NIM1K: variants seen among roughly 807,000 people sequenced by gnomAD.
NIM1K encodes the protein serine/threonine-protein kinase NIM1.
A neutral mutation model predicts 37.1 loss-of-function variants in NIM1K; 35 were observed. That is an observed-to-expected ratio of 0.94 (90% CI 0.72 to 1.25). The LOEUF is 1.25. Among genes scored for constraint, NIM1K ranks in the 50% most tolerant of loss-of-function variants. The pLI, the probability that NIM1K is intolerant of heterozygous loss-of-function variation, is 0.00. For missense variants in NIM1K, 564 were observed against 548.0 expected (o/e 1.03, Z -0.29); for synonymous variants, 234 against 206.6 (o/e 1.13, Z -1.14).
At position 43,245,927 on chromosome 5, in the gene NIM1K, T is replaced by G; in HGVS notation, c.152T>G (p.Leu51Arg). The stretch of plus-strand genomic sequence containing the variant: ...CGCCAGCTGACGCCCTTCGAGAAAC[T>G]GACACAGGACATGTCCCAGGATGAG... ...QPRQLTPFEK[L>R]TQDMSQDEKV... is the part of the protein sequence containing the mutation. Residue 51 changes from leucine to arginine, a missense_variant, in exon 2 of 4, where the codon CTG becomes CGG. By Grantham distance (102) the Leu-to-Arg change is moderately radical. Coordinates refer to ENST00000326035, the MANE Select transcript of NIM1K (RefSeq NM_153361.4). The G allele has an allele frequency of 6.2e-7, 1 of 1,613,958 alleles. No homozygotes were observed. The highest frequency in any genetic ancestry group is 1.6e-4 in the Middle Eastern group (1 of 6,062).
At chr5:43,221,273 G>C (rs1752376545) in intron 1 of NIM1K, among the ~76,000 whole-genome samples, 2 of 151,802 alleles carry the variant, frequency 1.3e-5, no homozygotes. Flanking sequence ...TCAGGAGTTC[G>C]AGACCAGCTT....
At chr5:43,263,325 G>T (rs1284517583) in intron 2 of NIM1K, among the ~76,000 whole-genome samples, 2 of 152,024 alleles carry the variant, frequency 1.3e-5, no homozygotes, top group Non-Finnish European at 2.9e-5. Context: ...ACTTCTTCCT[G>T]GTTTAGTCTT....
rs1491406959 is a variant in NIM1K at position 43,213,278 on chromosome 5, TTG to T, written c.-695+20869_-695+20870del. Among the ~76,000 whole-genome samples, 72 of 136,866 alleles carry T rather than the reference TTG, an allele frequency of 5.3e-4. 9 individuals carry two copies. Among genetic ancestry groups the T allele is most frequent in the African/African-American group, 1.7e-3 (61 of 36,464 alleles). The allele number at this position is 136,866 out of a possible 152,430, so 89.8% of individuals were successfully genotyped here. On this transcript the variant is annotated intron_variant, in intron 1 of 3. Coordinates refer to ENST00000326035, the MANE Select transcript of NIM1K (RefSeq NM_153361.4). ...GTTCTTTCTTGTTTCTTTTTCTTTC[TTG>T]TTTCCTTTCCTTTTCTTTTCTTTTC...
intron 1 of NIM1K, among the ~76,000 whole-genome samples, chr5:43,234,018 T>C (rs938936893): frequency 1.3e-5 from 2 of 152,222 alleles, no homozygotes; most frequent in African/African-American, 4.8e-5. Context: ...CGGGTTTCTA[T>C]TGGGACATGA....
At chr5:43,265,113 A>T (rs982007380) in intron 2 of NIM1K, among the ~76,000 whole-genome samples, 3 of 152,082 alleles carry the variant, frequency 2.0e-5, no homozygotes, top group African/African-American at 7.2e-5. Flanking sequence ...GCTCTTTTCG[A>T]GGAGTATCTT....
At chr5:43,272,781 T>C (rs1425051963) in intron 2 of NIM1K, among the ~76,000 whole-genome samples, 3 of 152,210 alleles carry the variant, frequency 2.0e-5, no homozygotes, top group Non-Finnish European at 2.9e-5. Flanking sequence ...AAGTTTCAGA[T>C]GTCTGGCTTC....
At position 43,245,597 on chromosome 5, in the gene NIM1K, A is replaced by T; in HGVS notation, c.-179A>T. 1.7e-6 allele frequency: 1 copy of T among 576,370 alleles called. No homozygotes were observed. The highest frequency in any genetic ancestry group is 3.0e-6 in the Non-Finnish European group (1 of 334,148). The allele number at this position is 576,370 out of a possible 1,614,324, so 35.7% of individuals were successfully genotyped here. On this transcript the variant is annotated 5_prime_UTR_variant, in exon 2 of 4. Coordinates refer to ENST00000326035, the MANE Select transcript of NIM1K (RefSeq NM_153361.4). The stretch of plus-strand genomic sequence containing the variant: ...CTGGCTGGGCTGGGCAGACTCAGCT[A>T]CCACGTTCACTGCCTTCCTCTCACT...
chr5:43,217,219 T>G (rs1752312671), intron 1 of NIM1K, among the ~76,000 whole-genome samples: 1 of 152,224 alleles, frequency 6.6e-6, no homozygotes, highest in Admixed American at 6.5e-5. Flanking sequence ...AATGGAATCA[T>G]AAAATGTGGT....
At position 43,246,042 on chromosome 5, in the gene NIM1K, G is replaced by T; in HGVS notation, c.267G>T (p.Lys89Asn). Residue 89 changes from lysine (K) to asparagine (N), a missense_variant, in exon 2 of 4, where the codon AAG becomes AAT. By Grantham distance (94) the Lys-to-Asn change is moderately conservative (BLOSUM62 0). Transcript: ENST00000326035. ...EIGSGNFSQVKLGIHSLTKEK... is the reference protein window; with the variant it reads ...EIGSGNFSQVNLGIHSLTKEK... The stretch of plus-strand genomic sequence containing the variant: ...GAAGTGGAAACTTCTCCCAAGTGAA[G>T]CTTGGGATTCACTCCCTAACCAAAG... The T allele has an allele frequency of 6.2e-7, 1 of 1,613,210 alleles. No homozygotes were observed. Among genetic ancestry groups the T allele is most frequent in the East Asian group, 2.2e-5 (1 of 44,866 alleles).
chr5:43,262,287 AG>A (rs1178270594), intron 2 of NIM1K, among the ~76,000 whole-genome samples: 4 of 152,280 alleles, frequency 2.6e-5, no homozygotes, highest in Non-Finnish European at 5.9e-5. Flanking sequence ...TATTTCATTG[AG>A]CAGTGCTTTG....
chr5:43,233,101 C>T, intron 1 of NIM1K: 3 of 1,346,626 alleles, frequency 2.2e-6, no homozygotes, highest in Admixed American at 1.7e-5. Context: ...ATGTTCCAGG[C>T]AGTAGGGCTC....
chr5:43,209,788 T>G (rs1461080367), intron 1 of NIM1K, among the ~76,000 whole-genome samples: 1 of 152,132 alleles, frequency 6.6e-6, no homozygotes, highest in African/African-American at 2.4e-5. Context: ...CTAATTTTTG[T>G]ATTTTTAATA....
intron 1 of NIM1K, among the ~76,000 whole-genome samples, chr5:43,204,399 T>C (rs1752078566): frequency 6.7e-6 from 1 of 149,700 alleles, no homozygotes; most frequent in Non-Finnish European, 1.5e-5. Flanking sequence ...GTTCCAATGG[T>C]TAATTCAAAA....
At chr5:43,237,138 T>C (rs1020950349) in intron 1 of NIM1K, among the ~76,000 whole-genome samples, 8 of 152,212 alleles carry the variant, frequency 5.3e-5, no homozygotes, top group Non-Finnish European at 1.2e-4. Context: ...GCTTTTCTTT[T>C]AAGGAAACCA....
Position 43,207,726 on chromosome 5 carries a change from C to A in NIM1K, c.-695+15315C>A, listed in dbSNP as rs542979873. The A allele has an allele frequency of 4.5e-5, 22 of 483,738 alleles. No homozygotes were observed. The East Asian group carries it at 1.0e-3, about 22-fold the overall frequency. The allele number at this position is 483,738 out of a possible 1,614,324, so 30.0% of individuals were successfully genotyped here. A position where few individuals can be genotyped will look rare whatever the true frequency, so the allele number is the denominator to read the frequency against. On this transcript the variant is annotated intron_variant, in intron 1 of 3. Coordinates refer to ENST00000326035, the MANE Select transcript of NIM1K (RefSeq NM_153361.4). ...AGTTGCTCTATGAAGAATTGTTCTG[C>A]GGAATTCTCAAAGGAGATCGTCTGT...
At chr5:43,235,362 T>A (rs557297071) in intron 1 of NIM1K, among the ~76,000 whole-genome samples, 1 of 152,340 alleles carries the variant, frequency 6.6e-6, no homozygotes, top group South Asian at 2.1e-4. Flanking sequence ...ACAAAAATAT[T>A]AATACTGGAG....
chr5:43,224,379 G>A (rs952887419), intron 1 of NIM1K, among the ~76,000 whole-genome samples: 3 of 151,466 alleles, frequency 2.0e-5, no homozygotes, highest in Non-Finnish European at 2.9e-5. Context: ...AGGCAGAGGT[G>A]GCAGTGAGCT....
rs1443756492 is a variant in NIM1K at position 43,268,279 on chromosome 5, A to C, written c.293-8778A>C. Among the ~76,000 whole-genome samples, 14 of 152,236 alleles carry C rather than the reference A, an allele frequency of 9.2e-5. No individual in the cohort carries two copies. In the East Asian group the frequency reaches 2.5e-3, roughly 27 times the overall value. On this transcript the variant is annotated intron_variant, in intron 2 of 3. Transcript: ENST00000326035. ...TGGCATTGTGGTGAAGAAAGTGTTTAATTGATGCAAGGCCAGTCATGCCAT... is the reference window on the plus strand; with the variant it reads ...TGGCATTGTGGTGAAGAAAGTGTTTCATTGATGCAAGGCCAGTCATGCCAT...
At chr5:43,206,499 CAA>C (rs11286972) in intron 1 of NIM1K, among the ~76,000 whole-genome samples, 4,665 of 83,358 alleles carry the variant, frequency 0.056, 62 homozygotes, top group Middle Eastern at 0.12. Context: ...GACCCTGCCT[CAA>C]AAAAAAAAAA....
Sources: gnomAD v4.1 joint callset for allele counts (sites outside exome capture counted in the v4.1 genomes callset) on GRCh38, gnomAD v4.1.1 for gene constraint, MANE v1.5 for transcripts, NCBI Gene and HGNC (gene_info 2026-07-23, HGNC 2026-07-21) for gene names.